Variants in KIAA1217 observed in about 807,000 individuals in gnomAD.
KIAA1217 encodes sickle tail protein homolog.
A neutral mutation model predicts 163.9 loss-of-function variants in KIAA1217; 88 were observed. The observed-to-expected ratio is 0.54, with a 90% CI of 0.45 to 0.64. The LOEUF is 0.64. Ranked by LOEUF, KIAA1217 falls within the 30% of genes least tolerant of loss-of-function variation. The pLI is 0.00. For synonymous variants in KIAA1217, 903 were observed against 923.1 expected, an observed-to-expected ratio of 0.98 and a Z score of 0.39; for missense variants, 2,372 against 2,475.0, an observed-to-expected ratio of 0.96 and a Z score of 0.88.
At chr10:24,141,309 G>A (rs1277571333) in intron 2 of KIAA1217, among the ~76,000 whole-genome samples, 1 of 141,794 alleles carries the variant, frequency 7.1e-6, no homozygotes, top group African/African-American at 2.6e-5. Flanking sequence ...TTGATCAAAG[G>A]AACTGTGATT....
At chr10:24,020,248 T>C (rs1384273921) in intron 2 of KIAA1217, among the ~76,000 whole-genome samples, 1 of 152,138 alleles carries the variant, frequency 6.6e-6, no homozygotes, top group African/African-American at 2.4e-5. Flanking sequence ...AGATGCATGG[T>C]TGATGCTGTA....
chr10:23,948,551 G>A (rs1200670752), intron 1 of KIAA1217, among the ~76,000 whole-genome samples: 3 of 151,998 alleles, frequency 2.0e-5, no homozygotes, highest in African/African-American at 7.2e-5. Flanking sequence ...GTTACAATGT[G>A]ATTTTGAGGG....
intron 1 of KIAA1217, among the ~76,000 whole-genome samples, chr10:23,760,438 A>T (rs183936709): frequency 6.6e-6 from 1 of 152,346 alleles, no homozygotes; most frequent in East Asian, 1.9e-4. Context: ...AGGCTGCATC[A>T]GTGTGCATTG....
At chr10:24,520,643 A>AAAG (rs2070999002) in intron 11 of KIAA1217, among the ~76,000 whole-genome samples, 1 of 88,190 alleles carries the variant, frequency 1.1e-5, no homozygotes, top group African/African-American at 6.1e-5. Context: ...AAAAAAAAAA[A>AAAG]AAAAAAAAAT....
chr10:23,741,277 ACT>A (rs145620540), intron 1 of KIAA1217, among the ~76,000 whole-genome samples: 2,129 of 152,008 alleles, frequency 0.014, 43 homozygotes, highest in African/African-American at 0.046. Context: ...GAGAATACAC[ACT>A]CTGACAACAT....
intron 3 of KIAA1217, among the ~76,000 whole-genome samples, chr10:24,382,556 A>G (rs1305070268): frequency 2.0e-5 from 3 of 152,198 alleles, no homozygotes; most frequent in Non-Finnish European, 2.9e-5. Flanking sequence ...TTAGTAATCT[A>G]GGATCCTCAT....
intron 1 of KIAA1217, among the ~76,000 whole-genome samples, chr10:23,834,258 A>T (rs913311244): frequency 1.3e-5 from 2 of 152,176 alleles, no homozygotes; most frequent in African/African-American, 4.8e-5. Flanking sequence ...GTGGTAACTT[A>T]GGAATGTTGC....
At chr10:24,027,654 A>AC (rs1216891687) in intron 2 of KIAA1217, among the ~76,000 whole-genome samples, 1 of 152,156 alleles carries the variant, frequency 6.6e-6, no homozygotes, top group Non-Finnish European at 1.5e-5. Context: ...GAAGAAAAAT[A>AC]CCATGTTAAT....
chr10:23,849,710 AAG>A (rs1839212031), intron 1 of KIAA1217, among the ~76,000 whole-genome samples: 1 of 152,138 alleles, frequency 6.6e-6, no homozygotes, highest in East Asian at 1.9e-4. Context: ...ACTTAAAAAA[AAG>A]AGTTGCTCTC....
chr10:23,983,773 C>T (rs1050908976), intron 1 of KIAA1217, among the ~76,000 whole-genome samples: 8 of 152,204 alleles, frequency 5.3e-5, no homozygotes, highest in Admixed American at 1.3e-4. Flanking sequence ...AATACATTCA[C>T]CTCCATGCTA....
chr10:24,443,766 ATAGGT>A (rs2060692405), intron 5 of KIAA1217, among the ~76,000 whole-genome samples: 1 of 152,148 alleles, frequency 6.6e-6, no homozygotes, highest in Non-Finnish European at 1.5e-5. Context: ...AGGCATAATA[ATAGGT>A]TAGTGGTTAT....
chr10:23,835,439 C>T (rs1186119606), intron 1 of KIAA1217, among the ~76,000 whole-genome samples: 2 of 152,066 alleles, frequency 1.3e-5, no homozygotes, highest in African/African-American at 4.8e-5. Flanking sequence ...GGAGATAACC[C>T]CTCCACCCCC....
intron 2 of KIAA1217, among the ~76,000 whole-genome samples, chr10:24,361,326 T>G (rs1238425757): frequency 6.6e-6 from 1 of 152,160 alleles, no homozygotes; most frequent in Non-Finnish European, 1.5e-5. Context: ...TAGTTGGTAC[T>G]GCAGGCAGAC....
intron 1 of KIAA1217, among the ~76,000 whole-genome samples, chr10:23,718,299 C>T (rs556615552): frequency 7.9e-5 from 12 of 152,258 alleles, no homozygotes; most frequent in African/African-American, 2.6e-4. Flanking sequence ...TCAGTACTTA[C>T]AAGAACACTT....
At chr10:24,525,858 C>T (rs567075037) in intron 13 of KIAA1217, among the ~76,000 whole-genome samples, 11 of 152,084 alleles carry the variant, frequency 7.2e-5, no homozygotes, top group East Asian at 3.9e-4. Flanking sequence ...GGCATGGTGG[C>T]GCGTGCCTGT....
At chr10:24,161,226 C>A (rs1452674241) in intron 2 of KIAA1217, among the ~76,000 whole-genome samples, 1 of 152,192 alleles carries the variant, frequency 6.6e-6, no homozygotes, top group African/African-American at 2.4e-5. Context: ...TGGGAAACTC[C>A]TTCGCCATAA....
intron 1 of KIAA1217, among the ~76,000 whole-genome samples, chr10:23,725,858 A>C (rs16923731): frequency 1.3e-5 from 2 of 152,134 alleles, no homozygotes; most frequent in Non-Finnish European, 2.9e-5. Context: ...CCAAAATTAT[A>C]AGCAGCTGTC....
intron 1 of KIAA1217, among the ~76,000 whole-genome samples, chr10:23,718,133 G>C (rs183391742): frequency 3.0e-4 from 45 of 152,254 alleles, no homozygotes; most frequent in African/African-American, 1.0e-3. Context: ...GTTTTTGCCA[G>C]TTCCAAAACC....
intron 1 of KIAA1217, among the ~76,000 whole-genome samples, chr10:23,903,339 T>G (rs1465078140): frequency 2.0e-5 from 3 of 152,132 alleles, no homozygotes; most frequent in African/African-American, 7.2e-5. Context: ...TTTCTCACTA[T>G]CTCAAGGTTT....
Sources: gnomAD v4.1 joint callset for allele counts (sites outside exome capture counted in the v4.1 genomes callset) on GRCh38, gnomAD v4.1.1 for gene constraint, MANE v1.5 for transcripts, NCBI Gene and HGNC (gene_info 2026-07-23, HGNC 2026-07-21) for gene names.